PM20D1: variants seen among roughly 807,000 people sequenced by gnomAD.
PM20D1 encodes the protein peptidase M20 domain containing 1.
A neutral mutation model predicts 53.8 loss-of-function variants in PM20D1; 53 were observed. The ratio of observed to expected loss-of-function variants is 0.98; its 90% CI spans 0.79 to 1.24. The LOEUF is 1.24. PM20D1 is among the 50% of genes most tolerant of loss of function. The pLI is 0.00. For synonymous variants in PM20D1, 239 were observed against 241.3 expected, an observed-to-expected ratio of 0.99 and a Z score of 0.09; for missense variants, 564 against 616.8, an observed-to-expected ratio of 0.91 and a Z score of 0.91.
rs1656489466 is a variant in PM20D1, at chr1:205,828,512, A to G, written c.*108T>C. The G allele has an allele frequency of 6.9e-7, 1 of 1,449,532 alleles. No homozygotes were observed. The highest frequency in any genetic ancestry group is 1.4e-5 in the African/African-American group (1 of 71,298). The allele number at this position is 1,449,532 out of a possible 1,614,324, so 89.8% of individuals were successfully genotyped here. A position where few individuals can be genotyped will look rare whatever the true frequency, so the allele number is the denominator to read the frequency against. ...TAAGAGTGAGCAAGACAGATGGGCA[A>G]TGTTTTACAATGTGGTTTTGATCAA... On this transcript the variant is annotated 3_prime_UTR_variant, in exon 13 of 13. Transcript: ENST00000367136.
chr1:205,841,964 T>C, intron 8 of PM20D1, 75 bp from the exon 9 acceptor site: 1 of 1,386,946 alleles, frequency 7.2e-7, no homozygotes, highest in Non-Finnish European at 1.0e-6. Flanking sequence ...CATTACCCAC[T>C]TTCCTGAACC....
chr1:205,830,883 A>G (rs960811800), intron 11 of PM20D1, among the ~76,000 whole-genome samples: 1 of 151,930 alleles, frequency 6.6e-6, no homozygotes, highest in Non-Finnish European at 1.5e-5. Flanking sequence ...ACCCAAGGCC[A>G]TGGCCATTTG....
At chr1:205,841,250 T>G (rs1202773521) in intron 9 of PM20D1, among the ~76,000 whole-genome samples, 2 of 152,166 alleles carry the variant, frequency 1.3e-5, no homozygotes, top group East Asian at 3.9e-4. Context: ...ACTCCCCAAG[T>G]GCATATCTTT....
At chr1:205,843,596 A>G (rs1656867915) in intron 6 of PM20D1, 71 bp downstream of exon 6, 2 of 1,551,280 alleles carry the variant, frequency 1.3e-6, no homozygotes, top group Non-Finnish European at 8.7e-7. Context: ...AGCCTCCTCA[A>G]ATTTAAAGTG....
intron 5 of PM20D1, 71 bp from the exon 6 acceptor site, chr1:205,843,857 C>T: frequency 6.4e-7 from 1 of 1,569,956 alleles, no homozygotes; most frequent in Non-Finnish European, 8.6e-7. Flanking sequence ...GCCCATAGGT[C>T]CATCTGTGCA....
rs1656593126 is a variant in PM20D1 at position 205,832,831 on chromosome 1, TA to T, written c.1117-66del. ...TTTCTATACATGTACAATATGGGCTTAAATATCCTGATTTCTTTCCAGCAAG... is the reference window on the plus strand; with the variant it reads ...TTTCTATACATGTACAATATGGGCTTAATATCCTGATTTCTTTCCAGCAAG... On this transcript the variant is annotated intron_variant, in intron 10 of 12. Transcript: ENST00000367136. 5 of 1,462,040 alleles carry T rather than the reference TA, an allele frequency of 3.4e-6. No homozygotes were observed. In the South Asian group the frequency reaches 4.2e-5, roughly 12 times the overall value. 90.6% of individuals were successfully genotyped at this position (1,462,040 alleles called of 1,614,324 possible).
chr1:205,839,898 A>AAG (rs1374296049), intron 10 of PM20D1, among the ~76,000 whole-genome samples: 1 of 134,472 alleles, frequency 7.4e-6, no homozygotes, highest in Non-Finnish European at 1.6e-5. Context: ...GCGACAGAGC[A>AAG]AGACTCTGAC....
chr1:205,845,639 T>G, intron 2 of PM20D1, 82 bp from the exon 3 acceptor site: 1 of 1,167,806 alleles, frequency 8.6e-7, no homozygotes, highest in South Asian at 1.5e-5. Flanking sequence ...TTCCTGTTCC[T>G]TTATTTATTT....
In PM20D1 at chr1:205,838,013, C is replaced by G. The variant is rs561447093; in HGVS notation, c.1116+2239G>C. 3.9e-4 allele frequency among the ~76,000 whole-genome samples: 60 copies of G among 152,270 alleles called. 1 individual carries two copies. The South Asian group carries it at 8.9e-3, about 23-fold the overall frequency. On this transcript the variant is annotated intron_variant, in intron 10 of 12. Coordinates refer to ENST00000367136, the MANE Select transcript of PM20D1 (RefSeq NM_152491.5). ...CTACCCCCCACTCCCCCAACCCCCT[C>G]AATGCTGGGTGGCTCTGGGCAGGAT... is the stretch of plus-strand genomic sequence containing the variant.
chr1:205,830,254 C>A, intron 12 of PM20D1, 26 bp downstream of exon 12: 2 of 1,499,672 alleles, frequency 1.3e-6, no homozygotes, highest in Non-Finnish European at 9.3e-7. Flanking sequence ...TTTCTCCCAC[C>A]TGCTGCTCAA....
At chr1:205,839,290 GAA>G (rs1029999174) in intron 10 of PM20D1, among the ~76,000 whole-genome samples, 1 of 152,158 alleles carries the variant, frequency 6.6e-6, no homozygotes, top group African/African-American at 2.4e-5. Context: ...TTAGTAGTCA[GAA>G]AAGACTTTTT....
intron 10 of PM20D1, among the ~76,000 whole-genome samples, chr1:205,836,205 C>T (rs1041228459): frequency 3.3e-5 from 5 of 152,184 alleles, no homozygotes; most frequent in Non-Finnish European, 7.3e-5. Context: ...AGTGCATTCT[C>T]ACAACCTTAT....
At chr1:205,831,021 G>A (rs1319374936) in intron 11 of PM20D1, among the ~76,000 whole-genome samples, 3 of 152,144 alleles carry the variant, frequency 2.0e-5, no homozygotes, top group African/African-American at 7.2e-5. Flanking sequence ...GTCTTGAATT[G>A]GAACAAAATT....
At chr1:205,843,999 C>T in intron 5 of PM20D1, 88 bp downstream of exon 5, 1 of 1,531,058 alleles carries the variant, frequency 6.5e-7, no homozygotes, top group Admixed American at 1.9e-5. Flanking sequence ...AAAGAGTTGT[C>T]TCAGCATGGC....
At chr1:205,842,311 G>T in intron 7 of PM20D1, 96 bp from the exon 8 acceptor site, 3 of 1,121,102 alleles carry the variant, frequency 2.7e-6, no homozygotes, top group Non-Finnish European at 1.3e-6. Context: ...TGCCTCAGGG[G>T]CCCTTAGCAG....
intron 7 of PM20D1, 74 bp downstream of exon 7, chr1:205,842,602 T>C (rs1310461243): frequency 1.9e-5 from 28 of 1,471,930 alleles, no homozygotes; most frequent in Non-Finnish European, 2.6e-5. Context: ...GGTCCTTTTC[T>C]TACTCTAAAG....
intron 10 of PM20D1, among the ~76,000 whole-genome samples, chr1:205,834,828 G>A (rs1331293347): frequency 6.6e-6 from 1 of 152,186 alleles, no homozygotes; most frequent in African/African-American, 2.4e-5. Flanking sequence ...GGCTGCAGGA[G>A]CTCAGGTTTC....
chr1:205,832,477 G>A (rs865788782), intron 11 of PM20D1, 121 bp downstream of exon 11: 1 of 1,068,094 alleles, frequency 9.4e-7, no homozygotes, highest in Non-Finnish European at 1.4e-6. Context: ...GTCTCATCAG[G>A]AGGGGAAGCA....
At position 205,849,023 on chromosome 1, in the gene PM20D1, T is replaced by C. The variant is rs188930904; in HGVS notation, c.169+881A>G. ...GCCTTTTAGAGAATTATTTATGCTT[T>C]GGGAAAGCCCTGCTCTGCCTCCCAG... is the stretch of plus-strand genomic sequence containing the variant. On this transcript the variant is annotated intron_variant, in intron 1 of 12. Transcript: ENST00000367136. Among the ~76,000 whole-genome samples the C allele has an allele frequency of 2.0e-4, 31 of 152,352 alleles. No homozygotes were observed. The East Asian group carries it at 5.8e-3, about 28-fold the overall frequency.
Sources: allele counts gnomAD v4.1 joint callset (sites outside exome capture counted in the v4.1 genomes callset), GRCh38; gene constraint gnomAD v4.1.1; transcripts MANE v1.5; gene names NCBI Gene and HGNC (gene_info 2026-07-23, HGNC 2026-07-21).